Variants in ASPH observed in about 807,000 individuals in gnomAD.
ASPH encodes aspartate beta-hydroxylase, also known as aspartyl/asparaginyl beta-hydroxylase.
ASPH carries 100 observed loss-of-function variants against 118.4 expected under a neutral mutation model. The ratio of observed to expected loss-of-function variants is 0.84; its 90% CI spans 0.72 to 1.00. ASPH has a LOEUF of 1.00. Ranked by LOEUF, ASPH falls within the 50% of genes least tolerant of loss-of-function variation. ASPH has a pLI of 0.00. For synonymous variants in ASPH, 315 were observed against 325.6 expected (o/e 0.97, Z 0.35); for missense variants, 920 against 919.5 (o/e 1.00, Z -0.01).
intron 13 of ASPH, chr8:61,628,418 C>A: frequency 3.3e-6 from 1 of 302,666 alleles, no homozygotes; most frequent in Non-Finnish European, 6.3e-6. Context: ...ATCCTCCCAC[C>A]TTGGCACCCC....
At chr8:61,528,151 T>C (rs1029505014) in intron 21 of ASPH, among the ~76,000 whole-genome samples, 1 of 152,150 alleles carries the variant, frequency 6.6e-6, no homozygotes, top group African/African-American at 2.4e-5. Context: ...CCAACTAGGT[T>C]CCATATTACT....
intron 1 of ASPH, among the ~76,000 whole-genome samples, chr8:61,685,515 G>C (rs1018113451): frequency 6.6e-6 from 1 of 152,030 alleles, no homozygotes; most frequent in African/African-American, 2.4e-5. Flanking sequence ...AACCCCACTA[G>C]CTCTAATCTA....
chr8:61,611,854 A>G (rs1342143292), intron 14 of ASPH, among the ~76,000 whole-genome samples: 1 of 152,230 alleles, frequency 6.6e-6, no homozygotes, highest in Non-Finnish European at 1.5e-5. Flanking sequence ...ACTGTTGGAG[A>G]GTCAGATTTT....
At chr8:61,690,870 T>A (rs900091263) in intron 1 of ASPH, among the ~76,000 whole-genome samples, 2 of 152,152 alleles carry the variant, frequency 1.3e-5, no homozygotes, top group African/African-American at 4.8e-5. Context: ...CACCACTAGA[T>A]CAATTTTTCA....
At chr8:61,568,050 G>C (rs1342916547) in intron 16 of ASPH, among the ~76,000 whole-genome samples, 1 of 152,198 alleles carries the variant, frequency 6.6e-6, no homozygotes, top group Non-Finnish European at 1.5e-5. Context: ...CAGTGGAGGG[G>C]AGGAAAGGGA....
intron 23 of ASPH, 63 bp from the exon 24 acceptor site, chr8:61,517,724 A>C: frequency 6.4e-7 from 1 of 1,560,208 alleles, no homozygotes; most frequent in Non-Finnish European, 8.8e-7. Context: ...CTGCTAAGTT[A>C]AGGTGACAGT....
intron 24 of ASPH, among the ~76,000 whole-genome samples, chr8:61,505,022 T>C (rs565984106): frequency 3.6e-4 from 55 of 152,164 alleles, no homozygotes; most frequent in Non-Finnish European, 6.2e-4. Context: ...TCATCTTGAA[T>C]TGTACTCCCA....
At position 61,548,102 on chromosome 8, in the gene ASPH, G is replaced by C. The variant is rs1586880825; in HGVS notation, c.1733C>G (p.Pro578Arg). Reference sequence around the variant, plus strand: ...TAACTCTGTGTAGCCCGTTTCTTTTGGGGTCCACCAAGGCTGTGCTTTCAG... The same window carrying C: ...TAACTCTGTGTAGCCCGTTTCTTTTCGGGTCCACCAAGGCTGTGCTTTCAG... ...NGLKAQPWWT[P>R]KETGYTELVK... Residue 578 changes from proline (P) to arginine (R), a missense_variant, in exon 21 of 25, where the codon CCA becomes CGA. Physicochemically the swap from Pro to Arg is moderately radical, Grantham distance 103. Transcript: ENST00000379454. 1 of 1,613,750 alleles carries C rather than the reference G, an allele frequency of 6.2e-7. No homozygotes were observed. Among genetic ancestry groups the C allele is most frequent in the South Asian group, 1.1e-5 (1 of 91,052 alleles).
intron 24 of ASPH, among the ~76,000 whole-genome samples, chr8:61,515,043 AAGGGAGGG>A (rs1284374543): frequency 2.8e-5 from 4 of 144,968 alleles, no homozygotes; most frequent in Admixed American, 6.8e-5. Flanking sequence ...GGAAGGAAAG[AAGGGAGGG>A]AGGGAGGGAG....
At chr8:61,519,134 C>T (rs1206816489) in intron 22 of ASPH, among the ~76,000 whole-genome samples, 1 of 152,152 alleles carries the variant, frequency 6.6e-6, no homozygotes, top group Non-Finnish European at 1.5e-5. Flanking sequence ...ACTGCATCTT[C>T]ATGTTTGTTT....
At chr8:61,617,161 T>G (rs1849320144) in intron 14 of ASPH, among the ~76,000 whole-genome samples, 1 of 152,114 alleles carries the variant, frequency 6.6e-6, no homozygotes, top group African/African-American at 2.4e-5. Flanking sequence ...CAGAGGCATT[T>G]AAAGCCATGA....
At chr8:61,588,857 C>T (rs576853662) in intron 14 of ASPH, among the ~76,000 whole-genome samples, 100 of 152,280 alleles carry the variant, frequency 6.6e-4, no homozygotes, top group African/African-American at 2.0e-3. Context: ...ACAGCCCCAA[C>T]GTAGAGAAAA....
intron 1 of ASPH, among the ~76,000 whole-genome samples, chr8:61,705,805 G>A (rs1045089375): frequency 6.4e-5 from 8 of 125,822 alleles, no homozygotes; most frequent in African/African-American, 1.7e-4. Context: ...CTAAGCTCTA[G>A]TTAGCTACAG....
At chr8:61,561,165 C>G in intron 18 of ASPH, among the ~76,000 whole-genome samples, 1 of 145,502 alleles carries the variant, frequency 6.9e-6, no homozygotes, top group African/African-American at 2.6e-5. Flanking sequence ...TCTACAAGTT[C>G]CATTTTTGTG....
intron 21 of ASPH, among the ~76,000 whole-genome samples, chr8:61,534,574 C>G (rs778010897): frequency 6.6e-6 from 1 of 152,146 alleles, no homozygotes; most frequent in African/African-American, 2.4e-5. Context: ...TGCCTCTTGG[C>G]CTATACACTT....
chr8:61,530,640 T>C (rs1258137461), intron 21 of ASPH, among the ~76,000 whole-genome samples: 2 of 152,212 alleles, frequency 1.3e-5, no homozygotes, highest in African/African-American at 4.8e-5. Context: ...AGTCTTTCTT[T>C]TGAGAAGCAA....
At chr8:61,696,360 AGG>A (rs1303030889) in intron 1 of ASPH, among the ~76,000 whole-genome samples, 8 of 152,218 alleles carry the variant, frequency 5.3e-5, no homozygotes, top group Non-Finnish European at 1.2e-4. Context: ...ATCAGCCTCC[AGG>A]TATTTTTGGA....
chr8:61,517,892 T>C (rs905795118), intron 23 of ASPH, 140 bp downstream of exon 23: 1 of 1,123,584 alleles, frequency 8.9e-7, no homozygotes, highest in South Asian at 1.6e-5. Flanking sequence ...GTCAACCACA[T>C]AAAATTATGT....
intron 16 of ASPH, among the ~76,000 whole-genome samples, chr8:61,569,315 A>G (rs955291433): frequency 5.9e-5 from 9 of 152,232 alleles, no homozygotes; most frequent in African/African-American, 2.2e-4. Context: ...TCTGAAGCCT[A>G]TTATTCGAGG....
Sources: gnomAD v4.1 joint callset for allele counts (sites outside exome capture counted in the v4.1 genomes callset) on GRCh38, gnomAD v4.1.1 for gene constraint, MANE v1.5 for transcripts, NCBI Gene and HGNC (gene_info 2026-07-23, HGNC 2026-07-21) for gene names.